DLEC1: variants seen among roughly 807,000 people sequenced by gnomAD.
The protein encoded by DLEC1 is deleted in lung and esophageal cancer protein 1.
Under a neutral mutation model 198.1 loss-of-function variants are expected in DLEC1, and 146 were observed. That is an observed-to-expected ratio of 0.74 (90% CI 0.64 to 0.85). DLEC1 has a LOEUF of 0.85. Among genes scored for constraint, DLEC1 ranks in the 40% least tolerant of loss-of-function variants. The pLI, the probability that DLEC1 is intolerant of heterozygous loss-of-function variation, is 0.00. For synonymous variants in DLEC1, 897 were observed against 866.8 expected (o/e 1.03, Z -0.61); for missense variants, 2,233 against 2,220.0 (o/e 1.01, Z -0.12).
intron 31 of DLEC1, 93 bp downstream of exon 31, chr3:38,117,395 A>G: frequency 6.3e-7 from 1 of 1,598,894 alleles, no homozygotes; most frequent in Non-Finnish European, 8.6e-7. Flanking sequence ...TCAGAGCAAA[A>G]GGACGGGCAT....
Position 38,110,459 on chromosome 3 carries a change from G to A in DLEC1, c.3443+178G>A, listed in dbSNP as rs372066008. On this transcript the variant is annotated intron_variant, in intron 23 of 36. Coordinates refer to ENST00000308059, the MANE Select transcript of DLEC1 (RefSeq NM_007335.4). ...AAATGGCTCCTGCTGTCCACCTCCC[G>A]GGCCCTGAGTGGGCGTGTGGGAGAG... 1.2e-3 allele frequency among the ~76,000 whole-genome samples: 179 copies of A among 152,268 alleles called. 1 individual carries two copies. The highest frequency in any genetic ancestry group is 4.2e-3 in the African/African-American group (173 of 41,534).
intron 7 of DLEC1, 119 bp downstream of exon 7, chr3:38,084,364 T>A: frequency 1.1e-6 from 1 of 903,552 alleles, no homozygotes; most frequent in Non-Finnish European, 1.7e-6. Flanking sequence ...GTGGTGGTAG[T>A]AGTAGTAGTG....
intron 34 of DLEC1, among the ~76,000 whole-genome samples, chr3:38,120,819 T>G (rs1700412092): frequency 6.6e-6 from 1 of 151,730 alleles, no homozygotes; most frequent in Non-Finnish European, 1.5e-5. Flanking sequence ...CAAAACCAGG[T>G]GAGGGGCCAG....
chr3:38,084,364 T>C, intron 7 of DLEC1, 119 bp downstream of exon 7: 1 of 903,554 alleles, frequency 1.1e-6, no homozygotes, highest in East Asian at 2.9e-5. Context: ...GTGGTGGTAG[T>C]AGTAGTAGTG....
rs376046465 is a variant in DLEC1 at position 38,039,249 on chromosome 3, G to A, written c.24G>A (p.Thr8=). 108 of 1,609,290 alleles carry A rather than the reference G, an allele frequency of 6.7e-5. 1 individual carries two copies. The highest frequency in any genetic ancestry group is 6.4e-4 in the South Asian group (58 of 90,790). The part of the protein sequence containing the change: METRSSK[T]RRSLASRTNE... ...CCATGGAGACCAGGAGCTCCAAAAC[G>A]CGGAGGTCTTTAGCGTCCCGGACCA... The change falls in exon 1 of 37, where the codon ACG becomes ACA. Residue 8 remains threonine (T), a synonymous_variant. Transcript: ENST00000308059.
At chr3:38,107,432 T>C in intron 19 of DLEC1, 152 bp from the exon 20 acceptor site, 1 of 711,052 alleles carries the variant, frequency 1.4e-6, no homozygotes, top group South Asian at 2.7e-5. Context: ...TCTTATATCC[T>C]GAAACTTTGC....
chr3:38,107,213 T>C (rs1173598540), intron 19 of DLEC1, among the ~76,000 whole-genome samples: 1 of 150,568 alleles, frequency 6.6e-6, no homozygotes, highest in Non-Finnish European at 1.5e-5. Flanking sequence ...CAGGGTGGGA[T>C]GGGGAGGGGA....
At chr3:38,083,486 T>C (rs960457066) in intron 6 of DLEC1, among the ~76,000 whole-genome samples, 4 of 152,172 alleles carry the variant, frequency 2.6e-5, no homozygotes, top group African/African-American at 9.7e-5. Context: ...TTCACTTCTT[T>C]TGTGGTGGAA....
chr3:38,119,757 C>T (rs1269883829), intron 33 of DLEC1, among the ~76,000 whole-genome samples: 3 of 152,044 alleles, frequency 2.0e-5, no homozygotes, highest in Non-Finnish European at 2.9e-5. Flanking sequence ...TGGTCTTGAA[C>T]TCCTGGGCTC....
At chr3:38,089,092 T>A (rs1698613248) in intron 10 of DLEC1, among the ~76,000 whole-genome samples, 1 of 152,228 alleles carries the variant, frequency 6.6e-6, no homozygotes, top group South Asian at 2.1e-4. Context: ...CCTTTCACAC[T>A]AGCCTGCCGA....
chr3:38,077,127 C>T (rs772328347), intron 6 of DLEC1, among the ~76,000 whole-genome samples: 11 of 152,120 alleles, frequency 7.2e-5, no homozygotes, highest in Non-Finnish European at 1.5e-4. Context: ...GTCCTGCCAG[C>T]AAAGATTATT....
In DLEC1 at chr3:38,122,109, G is replaced by A. The variant is rs760388697; in HGVS notation, c.5059G>A (p.Val1687Ile). ...AGCCAAGGCCGCTGTGGCCTTCAGG[G>A]TCTCCCCAAACAGTGGGCTGCTAGA... Reference protein sequence around the residue: ...EPAKAAVAFRVSPNSGLLEAR... With the variant: ...EPAKAAVAFRISPNSGLLEAR... The change falls in exon 36 of 37, where the codon GTC becomes ATC. Residue 1687 changes from valine to isoleucine, a missense_variant. Coordinates refer to ENST00000308059, the MANE Select transcript of DLEC1 (RefSeq NM_007335.4). 2 of 1,613,922 alleles carry A rather than the reference G, an allele frequency of 1.2e-6. No homozygotes were observed. The highest frequency in any genetic ancestry group is 2.7e-5 in the African/African-American group (2 of 74,928).
chr3:38,122,716 A>G lies in DLEC1; in HGVS notation c.*304A>G, dbSNP rs1360502548. ...GGAAAAAAACCACAGCCACTAAGATAAATTCATGCACTTTTACTATGCCCA... is the reference window on the plus strand; with the variant it reads ...GGAAAAAAACCACAGCCACTAAGATGAATTCATGCACTTTTACTATGCCCA... On this transcript the variant is annotated 3_prime_UTR_variant, in exon 37 of 37. Coordinates refer to ENST00000308059, the MANE Select transcript of DLEC1 (RefSeq NM_007335.4). 15 of 1,370,924 alleles carry G rather than the reference A, an allele frequency of 1.1e-5. No homozygotes were observed. The highest frequency in any genetic ancestry group is 4.6e-5 in the South Asian group (3 of 65,444). 84.9% of individuals were successfully genotyped at this position (1,370,924 alleles called of 1,614,324 possible). A position where few individuals can be genotyped will look rare whatever the true frequency, so the allele number is the denominator to read the frequency against.
chr3:38,117,278 T>C lies in DLEC1; in HGVS notation c.4376T>C (p.Leu1459Pro). The C allele has an allele frequency of 1.2e-6, 2 of 1,614,148 alleles. No homozygotes were observed. The highest frequency in any genetic ancestry group is 1.7e-6 in the Non-Finnish European group (2 of 1,179,980). ...DFAVGPLKLDLHSYVRPAQLS... is the reference protein window; with the variant it reads ...DFAVGPLKLDPHSYVRPAQLS... ...GCGGTGGGACCCCTGAAACTGGACCTGCATAGCTACGTGAGGCCTGCACAG... is the reference window on the plus strand; with the variant it reads ...GCGGTGGGACCCCTGAAACTGGACCCGCATAGCTACGTGAGGCCTGCACAG... The change falls in exon 31 of 37, where the codon CTG becomes CCG. Residue 1459 changes from leucine to proline, a missense_variant. Coordinates refer to ENST00000308059, the MANE Select transcript of DLEC1 (RefSeq NM_007335.4).
intron 17 of DLEC1, 33 bp from the exon 18 acceptor site, chr3:38,097,711 G>A (rs1233518318): frequency 3.7e-6 from 6 of 1,613,434 alleles, no homozygotes; most frequent in Non-Finnish European, 5.1e-6. Context: ...CCATCCCCAG[G>A]TGGCCCAGTG....
At chr3:38,109,966 T>C (rs1699775006) in intron 22 of DLEC1, 133 bp from the exon 23 acceptor site, 2 of 1,034,336 alleles carry the variant, frequency 1.9e-6, no homozygotes, top group Admixed American at 5.1e-5. Flanking sequence ...GGTTGGCAGC[T>C]CAATGAAACA....
Position 38,096,703 on chromosome 3 carries a change from A to G in DLEC1, c.2306A>G (p.Asn769Ser). 6.2e-7 allele frequency: 1 copy of G among 1,612,410 alleles called. No individual in the cohort carries two copies. The highest frequency in any genetic ancestry group is 1.1e-5 in the South Asian group (1 of 90,808). Residue 769 changes from asparagine to serine, a missense_variant, in exon 15 of 37, where the codon AAC becomes AGC. Coordinates refer to ENST00000308059, the MANE Select transcript of DLEC1 (RefSeq NM_007335.4). ...EPYALIIPGE[N>S]YIGINVKKAF... ...TATGCCCTCATCATCCCAGGGGAGA[A>G]CTACATTGGGATAAATGTGAAGAAG...
intron 6 of DLEC1, among the ~76,000 whole-genome samples, chr3:38,080,357 G>C (rs1697902775): frequency 6.6e-6 from 1 of 152,102 alleles, no homozygotes; most frequent in Admixed American, 6.6e-5. Context: ...TGTAGAAAAG[G>C]AAGATTAGAA....
intron 12 of DLEC1, among the ~76,000 whole-genome samples, chr3:38,094,480 G>T (rs1188788637): frequency 6.6e-6 from 1 of 152,192 alleles, no homozygotes; most frequent in African/African-American, 2.4e-5. Flanking sequence ...GGCAGGAATG[G>T]GGTTGATGTG....
Sources: allele counts gnomAD v4.1 joint callset (sites outside exome capture counted in the v4.1 genomes callset), GRCh38; gene constraint gnomAD v4.1.1; transcripts MANE v1.5; gene names NCBI Gene and HGNC (gene_info 2026-07-23, HGNC 2026-07-21).